Variants in ANKRD11 observed in about 807,000 individuals in gnomAD.
ANKRD11 encodes ankyrin repeat domain 11, also known as ankyrin repeat domain-containing protein 11.
ANKRD11 carries 17 observed loss-of-function variants against 195.7 expected under a neutral mutation model. The ratio of observed to expected loss-of-function variants is 0.09; its 90% CI spans 0.06 to 0.13. The LOEUF is 0.13. Ranked by LOEUF, ANKRD11 falls within the 10% of genes least tolerant of loss-of-function variation. ANKRD11 has a pLI of 1.00. For synonymous variants in ANKRD11, 1,953 were observed against 1,528.1 expected, an observed-to-expected ratio of 1.28 and a Z score of -6.49; for missense variants, 3,735 against 3,566.1, an observed-to-expected ratio of 1.05 and a Z score of -1.21.
chr16:89,284,527 ATAGCCT>A lies in ANKRD11; in HGVS notation c.2009_2014del (p.Lys670_Ala671del). ...AGTGGAAAGATCATTCTCTAACAGT[ATAGCCT>A]TATCTGACTTCTGCTTGGAGTCCTC... On this transcript the variant is annotated inframe_deletion, in exon 9 of 13. Coordinates refer to ENST00000301030, the MANE Select transcript of ANKRD11 (RefSeq NM_013275.6). The A allele has an allele frequency of 6.2e-7, 1 of 1,614,116 alleles. No individual in the cohort carries two copies. The highest frequency in any genetic ancestry group is 1.3e-5 in the African/African-American group (1 of 75,008).
intron 6 of ANKRD11, chr16:89,288,997 A>C: frequency 2.3e-6 from 1 of 434,856 alleles, no homozygotes; most frequent in Non-Finnish European, 4.3e-6. Flanking sequence ...ATCCTCACCG[A>C]TCTGGAGGCG....
chr16:89,314,497 T>G (rs1242761903), intron 3 of ANKRD11, among the ~76,000 whole-genome samples: 1 of 152,138 alleles, frequency 6.6e-6, no homozygotes, highest in Non-Finnish European at 1.5e-5. Context: ...CAGGACACCC[T>G]GCCTCCTGCG....
intron 1 of ANKRD11, among the ~76,000 whole-genome samples, chr16:89,475,682 C>T (rs2057233481): frequency 6.6e-6 from 1 of 152,090 alleles, no homozygotes; most frequent in Non-Finnish European, 1.5e-5. Flanking sequence ...AATCAAAATT[C>T]TGTTCTATGC....
chr16:89,461,596 C>A (rs2056672417), intron 1 of ANKRD11, among the ~76,000 whole-genome samples: 1 of 152,112 alleles, frequency 6.6e-6, no homozygotes, highest in East Asian at 1.9e-4. Context: ...TTCCCTCGGC[C>A]TCCGAAAGTG....
At chr16:89,407,591 C>A (rs1178859775) in intron 2 of ANKRD11, among the ~76,000 whole-genome samples, 2 of 152,212 alleles carry the variant, frequency 1.3e-5, no homozygotes, top group African/African-American at 4.8e-5. Context: ...GAGGCCGAGG[C>A]AGGTGGATTG....
rs1389923483 is a variant in ANKRD11, at chr16:89,282,137, A to G, written c.4405T>C (p.Trp1469Arg). Reference sequence around the variant, plus strand: ...CGGTGCCTCTCCTTCTCGTCTCTCCATTTCTCCCTGTGTTTCTCTCTCTTC... The same window carrying G: ...CGGTGCCTCTCCTTCTCGTCTCTCCGTTTCTCCCTGTGTTTCTCTCTCTTC... Reference protein sequence around the residue: ...KKKREKHREKWRDEKERHRDR... With the variant: ...KKKREKHREKRRDEKERHRDR... Residue 1469 changes from tryptophan to arginine, a missense_variant, in exon 9 of 13, where the codon TGG becomes CGG. Coordinates refer to ENST00000301030, the MANE Select transcript of ANKRD11 (RefSeq NM_013275.6). The G allele has an allele frequency of 1.9e-6, 3 of 1,611,530 alleles. No homozygotes were observed. The highest frequency in any genetic ancestry group is 2.7e-5 in the African/African-American group (2 of 73,984).
intron 1 of ANKRD11, among the ~76,000 whole-genome samples, chr16:89,480,930 G>A (rs1011556210): frequency 7.2e-5 from 11 of 152,086 alleles, no homozygotes; most frequent in African/African-American, 2.2e-4. Context: ...CCTCCAGAAT[G>A]TGGGCAAATC....
intron 2 of ANKRD11, among the ~76,000 whole-genome samples, chr16:89,329,459 C>A (rs943644306): frequency 6.6e-6 from 1 of 152,184 alleles, no homozygotes; most frequent in African/African-American, 2.4e-5. Context: ...GATGAATAGT[C>A]TATACTTTTA....
At chr16:89,371,911 C>G (rs907200955) in intron 2 of ANKRD11, among the ~76,000 whole-genome samples, 8 of 152,214 alleles carry the variant, frequency 5.3e-5, no homozygotes, top group Non-Finnish European at 1.2e-4. Context: ...AAGAGGAACT[C>G]TACTGACTGG....
At chr16:89,346,001 G>C (rs2038919748) in intron 2 of ANKRD11, among the ~76,000 whole-genome samples, 1 of 152,092 alleles carries the variant, frequency 6.6e-6, no homozygotes, top group African/African-American at 2.4e-5. Context: ...CAGCACTTTG[G>C]GAGGCCAAAG....
Position 89,279,628 on chromosome 16 carries a change from C to A in ANKRD11, c.6914G>T (p.Gly2305Val). 2 of 1,438,594 alleles carry A rather than the reference C, an allele frequency of 1.4e-6. No individual in the cohort carries two copies. The highest frequency in any genetic ancestry group is 1.8e-6 in the Non-Finnish European group (2 of 1,100,614). 89.1% of individuals were successfully genotyped at this position (1,438,594 alleles called of 1,614,324 possible). Residue 2305 changes from glycine to valine, a missense_variant, in exon 9 of 13, where the codon GGC (glycine) becomes GTC (valine). Transcript: ENST00000301030. This position sits in a 1 kb window ranked among gnomAD's most constrained non-coding sequence, Gnocchi z 5.6. ...EASRAAAPAE[G>V]PPGGIQPEAA... ...TTCCGGCTGGATGCCGCCAGGAGGG[C>A]CTTCGGCTGGGGCGGCGGCACGGGA...
At chr16:89,338,989 G>C (rs544057123) in intron 2 of ANKRD11, among the ~76,000 whole-genome samples, 2 of 152,272 alleles carry the variant, frequency 1.3e-5, no homozygotes, top group South Asian at 2.1e-4. Flanking sequence ...TCACCACCGA[G>C]GGCCTCACTG....
chr16:89,405,142 G>A (rs2041855227), intron 2 of ANKRD11, among the ~76,000 whole-genome samples: 1 of 151,974 alleles, frequency 6.6e-6, no homozygotes, highest in African/African-American at 2.4e-5. Flanking sequence ...TGCGGTGAGT[G>A]GAGATCACGC....
chr16:89,480,456 G>A (rs1193165700), intron 1 of ANKRD11, among the ~76,000 whole-genome samples: 8 of 150,830 alleles, frequency 5.3e-5, no homozygotes, highest in Non-Finnish European at 7.4e-5. Context: ...CAGCCTGGGC[G>A]ACAGAGTGAG....
intron 2 of ANKRD11, among the ~76,000 whole-genome samples, chr16:89,318,360 TCCC>T (rs1274619380): frequency 1.3e-5 from 2 of 152,018 alleles, no homozygotes; most frequent in African/African-American, 2.4e-5. Context: ...AAAGCCACTG[TCCC>T]CCCATCATGT....
chr16:89,298,720 C>G (rs2035614275), intron 4 of ANKRD11: 1 of 152,198 alleles, frequency 6.6e-6, no homozygotes, highest in Admixed American at 6.5e-5. Context: ...GTCAGGGAAG[C>G]CTTTGCTGCG....
At chr16:89,451,776 A>G (rs1445614035) in intron 1 of ANKRD11, among the ~76,000 whole-genome samples, 3 of 152,180 alleles carry the variant, frequency 2.0e-5, no homozygotes, top group African/African-American at 7.2e-5. Flanking sequence ...CGGCATACTT[A>G]CAATGCATCA....
In ANKRD11 at chr16:89,283,487, T is replaced by C; in HGVS notation, c.3055A>G (p.Arg1019Gly). The C allele has an allele frequency of 6.2e-7, 1 of 1,614,174 alleles. No homozygotes were observed. Among genetic ancestry groups the C allele is most frequent in the Non-Finnish European group, 8.5e-7 (1 of 1,180,048 alleles). Residue 1019 changes from arginine to glycine, a missense_variant, in exon 9 of 13, where the codon AGG becomes GGG. Arg to Gly is a moderately radical substitution (Grantham distance 125, BLOSUM62 -2). Coordinates refer to ENST00000301030, the MANE Select transcript of ANKRD11 (RefSeq NM_013275.6). The surrounding 1 kb of genome is among the most constrained non-coding windows in gnomAD (Gnocchi z 4.3). ...KEKKDGPDKE[R>G]KEKTKPERYK... Reference sequence around the variant, plus strand: ...CTTTCTGGTTTTGTCTTCTCCTTCCTTTCCTTATCGGGGCCATCCTTCTTC... The same window carrying C: ...CTTTCTGGTTTTGTCTTCTCCTTCCCTTCCTTATCGGGGCCATCCTTCTTC...
chr16:89,431,117 G>C (rs1454535714), intron 1 of ANKRD11: 1 of 152,028 alleles, frequency 6.6e-6, no homozygotes, highest in Admixed American at 6.6e-5. Context: ...TCCTCTCCCA[G>C]GAGTTTCCAC....
Sources: gnomAD v4.1 joint callset for allele counts (sites outside exome capture counted in the v4.1 genomes callset) on GRCh38, gnomAD v4.1.1 for gene constraint, Gnocchi (gnomAD v3.1) non-coding constraint, MANE v1.5 for transcripts, NCBI Gene and HGNC (gene_info 2026-07-23, HGNC 2026-07-21) for gene names.